The following ZNF665 variants were observed in gnomAD, a reference collection of about 807,000 sequenced individuals.
ZNF665 encodes zinc finger protein 665.
ZNF665 carries 6 observed loss-of-function variants against 7.9 expected under a neutral mutation model. That is an observed-to-expected ratio of 0.76 (90% CI 0.42 to 1.50). ZNF665 has a LOEUF of 1.50. Among genes scored for constraint, ZNF665 ranks in the 40% most tolerant of loss-of-function variants. The pLI, the probability that ZNF665 is intolerant of heterozygous loss-of-function variation, is 0.01. For synonymous variants in ZNF665, 242 were observed against 274.5 expected (o/e 0.88, Z 1.17); for missense variants, 819 against 806.7 (o/e 1.02, Z -0.18).
In ZNF665 at chr19:53,167,064, C is replaced by A. The variant is rs1044838668; in HGVS notation, c.143-717G>T. Among the ~76,000 whole-genome samples the A allele has an allele frequency of 2.6e-5, 4 of 152,082 alleles. No individual in the cohort carries two copies. In the East Asian group the frequency reaches 7.7e-4, roughly 29 times the overall value. On this transcript the variant is annotated intron_variant, in intron 3 of 3. Coordinates refer to ENST00000396424, the MANE Select transcript of ZNF665 (RefSeq NM_024733.5). ...GTTGCCCAGGCTGGAGTGAGTGGTG[C>A]AATCTCGGCTCACCGCAACCTCCGC...
chr19:53,164,329 C>T lies in ZNF665; in HGVS notation c.*124G>A, dbSNP rs755756449. On this transcript the variant is annotated 3_prime_UTR_variant, in exon 4 of 4. Transcript: ENST00000396424. ...ATTTTTGTATTTTTAGTAGAGACAG[C>T]GTTTCACCGTGTTGGCCAGCCTGGT... 6.9e-5 allele frequency: 49 copies of T among 714,528 alleles called. No homozygotes were observed. The highest frequency in any genetic ancestry group is 5.3e-4 in the East Asian group (19 of 35,918). 44.3% of individuals were successfully genotyped at this position (714,528 alleles called of 1,614,324 possible).
At chr19:53,182,765 G>C (rs552179900) in intron 2 of ZNF665, 119 bp downstream of exon 2, 2 of 1,512,942 alleles carry the variant, frequency 1.3e-6, no homozygotes, top group East Asian at 2.3e-5. Context: ...GAAGGCACGA[G>C]TGAGTGCGAG....
chr19:53,173,956 C>A (rs1468811308), intron 3 of ZNF665, among the ~76,000 whole-genome samples: 5 of 152,138 alleles, frequency 3.3e-5, no homozygotes, highest in African/African-American at 1.2e-4. Flanking sequence ...CCCACACCCA[C>A]AAACTGTCAC....
rs754740016 is a variant in ZNF665 at position 53,165,969 on chromosome 19, C to T, written c.521G>A (p.Arg174Gln). The change falls in exon 4 of 4, where the codon CGA becomes CAA. Residue 174 changes from arginine to glutamine, a missense_variant. Physicochemically the swap from Arg to Gln is conservative, Grantham distance 43. Transcript: ENST00000396424. ...TTCATCACATTTATAATGTTTTCCT[C>T]GATTATTAGGAGACTTCTCAACTTG... ...YNQVEKSPNN[R>Q]GKHYKCDECG... 8.7e-6 allele frequency: 14 copies of T among 1,613,718 alleles called. No individual in the cohort carries two copies. The highest frequency in any genetic ancestry group is 1.3e-5 in the African/African-American group (1 of 75,024).
rs758440533 is a variant in ZNF665, at chr19:53,164,890, T to G, written c.1600A>C (p.Thr534Pro). The change falls in exon 4 of 4, where the codon ACA becomes CCA. Residue 534 changes from threonine (T) to proline (P), a missense_variant. Coordinates refer to ENST00000396424, the MANE Select transcript of ZNF665 (RefSeq NM_024733.5). ...SVHSSLTIHQ[T>P]IHTGQKPYKC... ...TATGGTTTTTGTCCAGTATGTATTG[T>G]CTGATGTATAGTTAGGCTTGAATGA... 1 of 1,614,132 alleles carries G rather than the reference T, an allele frequency of 6.2e-7. No homozygotes were observed. The highest frequency in any genetic ancestry group is 8.5e-7 in the Non-Finnish European group (1 of 1,180,028).
At chr19:53,167,776 C>A (rs188429926) in intron 3 of ZNF665, among the ~76,000 whole-genome samples, 1 of 148,084 alleles carries the variant, frequency 6.8e-6, no homozygotes, top group East Asian at 2.1e-4. Flanking sequence ...GAGGAGTCTG[C>A]CGGGCGCCGG....
In ZNF665 at chr19:53,166,280, G is replaced by A. The variant is rs767497325; in HGVS notation, c.210C>T (p.Phe70=). 17 of 1,612,310 alleles carry A rather than the reference G, an allele frequency of 1.1e-5. No individual in the cohort carries two copies. Among genetic ancestry groups the A allele is most frequent in the Non-Finnish European group, 1.4e-5 (17 of 1,179,454 alleles). ...PKGKNNMGEA[F]YTVKLERLES... is the part of the protein sequence containing the mutation. ...CAAGTCTCTCCAACTTCACCGTGTA[G>A]AACGCTTCTCCCATATTGTTCTTCC... is the stretch of plus-strand genomic sequence containing the variant. The change falls in exon 4 of 4, where the codon TTC becomes TTT. Residue 70 remains phenylalanine, a synonymous_variant. Transcript: ENST00000396424.
intron 1 of ZNF665, among the ~76,000 whole-genome samples, chr19:53,186,755 G>GC (rs1398543918): frequency 2.6e-3 from 9 of 3,518 alleles, no homozygotes; most frequent in Admixed American, 2.2e-3. Flanking sequence ...GGGCAGAGGG[G>GC]TCCTCACTTC....
rs1346238144 is a variant in ZNF665 at position 53,193,340 on chromosome 19, G to A, written c.-74C>T. The A allele has an allele frequency of 5.9e-5, 9 of 151,312 alleles. No individual in the cohort carries two copies. Among genetic ancestry groups the A allele is most frequent in the African/African-American group, 2.2e-4 (9 of 41,158 alleles). 9.4% of individuals were successfully genotyped at this position (151,312 alleles called of 1,614,324 possible). On this transcript the variant is annotated 5_prime_UTR_variant, in exon 1 of 4. Transcript: ENST00000396424. ...GCGACTAACAGCCTTCACTCCAAGAGATCTGCTTCCGGGTTTGCAAGAAAC... is the reference window on the plus strand; with the variant it reads ...GCGACTAACAGCCTTCACTCCAAGAAATCTGCTTCCGGGTTTGCAAGAAAC...
Position 53,169,292 on chromosome 19 carries a change from T to C in ZNF665, c.143-2945A>G, listed in dbSNP as rs189704168. ...CTGCACAAAAGAAAATATTAATATA[T>C]ATAGATAATAAGCACATTAAAAGAT... On this transcript the variant is annotated intron_variant, in intron 3 of 3. Coordinates refer to ENST00000396424, the MANE Select transcript of ZNF665 (RefSeq NM_024733.5). Among the ~76,000 whole-genome samples the C allele has an allele frequency of 5.9e-4, 90 of 152,112 alleles. 1 individual carries two copies. The East Asian group carries it at 0.016, about 27-fold the overall frequency.
At chr19:53,178,716 T>C (rs961035705) in intron 2 of ZNF665, among the ~76,000 whole-genome samples, 4 of 152,176 alleles carry the variant, frequency 2.6e-5, no homozygotes, top group African/African-American at 9.7e-5. Context: ...TAGTGTTTTA[T>C]GAAGAAAGAG....
chr19:53,182,717 C>A, intron 2 of ZNF665, 167 bp downstream of exon 2: 3 of 1,281,140 alleles, frequency 2.3e-6, no homozygotes, highest in Non-Finnish European at 3.4e-6. Context: ...CACTGGGTCA[C>A]CAGAGATGGA....
Position 53,166,297 on chromosome 19 carries a change from T to C in ZNF665, c.193A>G (p.Asn65Asp). ...NTDLPPKGKN[N>D]MGEAFYTVKL... ...ACCGTGTAGAACGCTTCTCCCATATTGTTCTTCCCCTTTGGTGGCAAATCC... is the reference window on the plus strand; with the variant it reads ...ACCGTGTAGAACGCTTCTCCCATATCGTTCTTCCCCTTTGGTGGCAAATCC... Residue 65 changes from asparagine to aspartate, a missense_variant, in exon 4 of 4, where the codon AAT becomes GAT. Coordinates refer to ENST00000396424, the MANE Select transcript of ZNF665 (RefSeq NM_024733.5). 2 of 1,603,478 alleles carry C rather than the reference T, an allele frequency of 1.2e-6. No individual in the cohort carries two copies. Among genetic ancestry groups the C allele is most frequent in the Non-Finnish European group, 8.5e-7 (1 of 1,175,922 alleles).
At chr19:53,182,302 C>T (rs925256045) in intron 2 of ZNF665, 4 of 184,820 alleles carry the variant, frequency 2.2e-5, no homozygotes, top group African/African-American at 7.1e-5. Context: ...GCCCAGGAGG[C>T]GGAGGTTGCA....
Position 53,166,214 on chromosome 19 carries a change from C to G in ZNF665, c.276G>C (p.Gln92His). Residue 92 changes from glutamine (Q) to histidine (H), a missense_variant, in exon 4 of 4, where the codon CAG becomes CAC. Gln to His is a conservative substitution (Grantham distance 24). Transcript: ENST00000396424. ...GACACTCAAAGTCGTATGTATTTTT[C>G]TGAACTTCCTGGAAGGACAAGCCTA... ...DTVGLSFQEV[Q>H]KNTYDFECQW... 6.2e-7 allele frequency: 1 copy of G among 1,613,934 alleles called. No individual in the cohort carries two copies.
At chr19:53,182,195 C>G (rs138748766) in intron 2 of ZNF665, 1 of 132,940 alleles carries the variant, frequency 7.5e-6, no homozygotes, top group Non-Finnish European at 1.6e-5. Flanking sequence ...CGGTGAAACA[C>G]CATCTCTATT....
intron 2 of ZNF665, 77 bp downstream of exon 2, chr19:53,182,805 CAG>C: frequency 3.1e-6 from 5 of 1,604,792 alleles, no homozygotes; most frequent in Non-Finnish European, 3.4e-6. Flanking sequence ...GCTTCAGACT[CAG>C]AGAAGATTCC....
chr19:53,165,495 C>T lies in ZNF665; in HGVS notation c.995G>A (p.Ser332Asn). 1.2e-6 allele frequency: 2 copies of T among 1,612,510 alleles called. No homozygotes were observed. The highest frequency in any genetic ancestry group is 1.7e-6 in the Non-Finnish European group (2 of 1,179,548). The change falls in exon 4 of 4, where the codon AGC (serine) becomes AAC (asparagine). Residue 332 changes from serine (S) to asparagine (N), a missense_variant. Ser to Asn is a conservative substitution (Grantham distance 46, BLOSUM62 1). Coordinates refer to ENST00000396424, the MANE Select transcript of ZNF665 (RefSeq NM_024733.5). ...GTGGATTGTCTGATGGGTAGTCAGG[C>T]TTGAGCGAACACTAAAGGCTTTGCC... ...ECGKAFSVRSSLTTHQTIHTG... is the reference protein window; with the variant it reads ...ECGKAFSVRSNLTTHQTIHTG...
intron 3 of ZNF665, among the ~76,000 whole-genome samples, chr19:53,171,591 G>A (rs760271979): frequency 5.5e-5 from 8 of 145,052 alleles, no homozygotes; most frequent in Non-Finnish European, 1.0e-4. Flanking sequence ...GTGCAGTGGC[G>A]TGATTTTGGC....
Sources: allele counts gnomAD v4.1 joint callset (sites outside exome capture counted in the v4.1 genomes callset), GRCh38; gene constraint gnomAD v4.1.1; transcripts MANE v1.5; gene names NCBI Gene and HGNC (gene_info 2026-07-23, HGNC 2026-07-21).